The following GREB1L variants were observed in gnomAD, a reference collection of about 807,000 sequenced individuals.
The protein encoded by GREB1L is GREB1 like retinoic acid receptor coactivator, also known as GREB1-like protein.
GREB1L carries 17 observed loss-of-function variants against 200.8 expected under a neutral mutation model. The observed-to-expected ratio is 0.08, with a 90% CI of 0.06 to 0.13. GREB1L has a LOEUF of 0.13. Ranked by LOEUF, GREB1L falls within the 10% of genes least tolerant of loss-of-function variation. GREB1L has a pLI of 1.00. For synonymous variants in GREB1L, 789 were observed against 893.0 expected, an observed-to-expected ratio of 0.88 and a Z score of 2.08; for missense variants, 1,657 against 2,367.7, an observed-to-expected ratio of 0.70 and a Z score of 6.23.
Position 21,454,758 on chromosome 18 carries a change from C to T in GREB1L, c.2182+195C>T, listed in dbSNP as rs539228578. On this transcript the variant is annotated intron_variant, in intron 15 of 32. Coordinates refer to ENST00000424526, the MANE Select transcript of GREB1L (RefSeq NM_001142966.3). ...TACTCTGTCCTTTTTCCCTCAAGGT[C>T]AAGGGTAAATTGTTGTGCATGTTTG... is the stretch of plus-strand genomic sequence containing the variant. 6.8e-5 allele frequency: 41 copies of T among 600,882 alleles called. No individual in the cohort carries two copies. In the South Asian group the frequency reaches 7.1e-4, roughly 10 times the overall value. 37.2% of individuals were successfully genotyped at this position (600,882 alleles called of 1,614,324 possible). A position where few individuals can be genotyped will look rare whatever the true frequency, so the allele number is the denominator to read the frequency against.
intron 1 of GREB1L, among the ~76,000 whole-genome samples, chr18:21,353,412 A>G (rs973877276): frequency 5.3e-5 from 8 of 152,102 alleles, no homozygotes; most frequent in Non-Finnish European, 8.8e-5. Context: ...CTATTGATGG[A>G]ATATTTGTTC....
chr18:21,291,670 A>G (rs568487794), intron 1 of GREB1L, among the ~76,000 whole-genome samples: 8 of 152,340 alleles, frequency 5.3e-5, no homozygotes, highest in South Asian at 4.1e-4. Flanking sequence ...AATCAGTGGC[A>G]ACCTTCCACA....
Position 21,353,194 on chromosome 18 carries a change from A to G in GREB1L, c.-119-12833A>G, listed in dbSNP as rs535060139. On this transcript the variant is annotated intron_variant, in intron 1 of 32. Coordinates refer to ENST00000424526, the MANE Select transcript of GREB1L (RefSeq NM_001142966.3). ...GAGACTCTGTCTCAAAAAAAAAAAA[A>G]GAAGAAAGAAATGGGACCATATTGC... 2.4e-3 allele frequency among the ~76,000 whole-genome samples: 361 copies of G among 151,234 alleles called. 2 individuals are homozygous for G. Among genetic ancestry groups the G allele is most frequent in the African/African-American group, 8.5e-3 (347 of 40,990 alleles).
intron 11 of GREB1L, among the ~76,000 whole-genome samples, chr18:21,445,844 T>C (rs1490426308): frequency 6.6e-6 from 1 of 152,200 alleles, no homozygotes; most frequent in Non-Finnish European, 1.5e-5. Context: ...GGTCCACAGC[T>C]CATTTGATGA....
intron 9 of GREB1L, among the ~76,000 whole-genome samples, chr18:21,440,845 A>G (rs559420838): frequency 6.6e-6 from 1 of 152,334 alleles, no homozygotes; most frequent in East Asian, 1.9e-4. Context: ...CAGTTCAAAC[A>G]TTTGTCTACC....
At chr18:21,507,702 T>C (rs1041040186) in intron 25 of GREB1L, among the ~76,000 whole-genome samples, 1 of 152,216 alleles carries the variant, frequency 6.6e-6, no homozygotes, top group Non-Finnish European at 1.5e-5. Context: ...ACCTGATATT[T>C]AGAAAGCTGA....
chr18:21,244,708 C>T (rs886101461), intron 1 of GREB1L, among the ~76,000 whole-genome samples: 2 of 152,108 alleles, frequency 1.3e-5, no homozygotes, highest in Non-Finnish European at 2.9e-5. Flanking sequence ...CCTGCTCTTA[C>T]GAGTTTGATG....
At chr18:21,468,804 C>A (rs890175887) in intron 15 of GREB1L, 6 of 456,402 alleles carry the variant, frequency 1.3e-5, no homozygotes, top group Non-Finnish European at 2.6e-5. Context: ...TTCAGTCTTT[C>A]CTGGCTTTTC....
intron 7 of GREB1L, among the ~76,000 whole-genome samples, chr18:21,427,236 G>C (rs2032687198): frequency 6.6e-6 from 1 of 152,056 alleles, no homozygotes; most frequent in African/African-American, 2.4e-5. Flanking sequence ...AGATGTGGTG[G>C]CTCATACCTA....
intron 1 of GREB1L, among the ~76,000 whole-genome samples, chr18:21,340,276 C>T (rs548339616): frequency 1.1e-4 from 16 of 151,976 alleles, no homozygotes; most frequent in African/African-American, 3.4e-4. Context: ...AAAAATTAGC[C>T]GGGCATGGTG....
intron 4 of GREB1L, among the ~76,000 whole-genome samples, chr18:21,386,740 C>G (rs1343925270): frequency 6.6e-6 from 1 of 151,002 alleles, no homozygotes; most frequent in Non-Finnish European, 1.5e-5. Context: ...CTCCTGACTT[C>G]GTGATCCGCC....
intron 7 of GREB1L, among the ~76,000 whole-genome samples, chr18:21,411,628 C>T (rs2031024146): frequency 6.6e-6 from 1 of 152,222 alleles, no homozygotes; most frequent in Non-Finnish European, 1.5e-5. Flanking sequence ...TGCATATCCT[C>T]TGATCCAGCT....
intron 1 of GREB1L, among the ~76,000 whole-genome samples, chr18:21,303,897 G>A (rs1422687682): frequency 6.6e-6 from 1 of 152,074 alleles, no homozygotes; most frequent in South Asian, 2.1e-4. Flanking sequence ...TAAAGTAAAC[G>A]AGGGTCAATC....
At chr18:21,508,713 C>CG (rs1302701607) in intron 27 of GREB1L, 122 bp downstream of exon 27, 28 of 354,092 alleles carry the variant, frequency 7.9e-5, no homozygotes, top group South Asian at 1.6e-4. Context: ...CACCACTCTT[C>CG]GGAAAAAAAA....
intron 1 of GREB1L, among the ~76,000 whole-genome samples, chr18:21,257,459 A>G (rs1247241757): frequency 6.6e-6 from 1 of 152,208 alleles, no homozygotes; most frequent in Non-Finnish European, 1.5e-5. Flanking sequence ...GTTTCATATC[A>G]GTAGGTATTA....
rs61584333 is a variant in GREB1L at position 21,430,897 on chromosome 18, CT to C, written c.833-8616del. Among the ~76,000 whole-genome samples the C allele has an allele frequency of 2.0e-5, 3 of 150,112 alleles. No individual in the cohort carries two copies. In the East Asian group the frequency reaches 5.9e-4, roughly 30 times the overall value. On this transcript the variant is annotated intron_variant, in intron 7 of 32. Coordinates refer to ENST00000424526, the MANE Select transcript of GREB1L (RefSeq NM_001142966.3). Reference sequence around the variant, plus strand: ...AGGCGTGAGCCACCGCACCTGGCCTCTTTTTTTTAATATAGGCATTTACAGC... The same window carrying C: ...AGGCGTGAGCCACCGCACCTGGCCTCTTTTTTTAATATAGGCATTTACAGC...
At position 21,399,493 on chromosome 18, in the gene GREB1L, A is replaced by G. The variant is rs532185406; in HGVS notation, c.533-1657A>G. ...GATGGATGGATGGATGGATGGATGG[A>G]TAGATGGATGGGTGGGTGGATAGAT... On this transcript the variant is annotated intron_variant, in intron 5 of 32. Transcript: ENST00000424526. 2.1e-4 allele frequency among the ~76,000 whole-genome samples: 32 copies of G among 151,332 alleles called. No homozygotes were observed. The East Asian group carries it at 6.1e-3, about 29-fold the overall frequency.
intron 1 of GREB1L, among the ~76,000 whole-genome samples, chr18:21,331,058 T>A (rs1178225738): frequency 1.3e-5 from 2 of 152,174 alleles, no homozygotes; most frequent in African/African-American, 4.8e-5. Context: ...ATCTGCGGAG[T>A]TTTTTTCTGG....
intron 7 of GREB1L, among the ~76,000 whole-genome samples, chr18:21,438,960 C>CAAAAAAAAAAAAAAAAAAA (rs59125788): frequency 1.5e-5 from 1 of 64,662 alleles, no homozygotes; most frequent in Non-Finnish European, 3.5e-5. Context: ...GACTCTGTCT[C>CAAAAAAAAAAAAAAAAAAA]AAAAAAAAAA....
Sources: allele counts gnomAD v4.1 joint callset (sites outside exome capture counted in the v4.1 genomes callset), GRCh38; gene constraint gnomAD v4.1.1; transcripts MANE v1.5; gene names NCBI Gene and HGNC (gene_info 2026-07-23, HGNC 2026-07-21).